Variants in TRDMT1 observed in about 807,000 individuals in gnomAD.
TRDMT1 encodes the protein tRNA aspartic acid methyltransferase 1, also known as tRNA (cytosine(38)-C(5))-methyltransferase.
TRDMT1 carries 49 observed loss-of-function variants against 51.2 expected under a neutral mutation model. The ratio of observed to expected loss-of-function variants is 0.96; its 90% CI spans 0.76 to 1.21. The LOEUF (loss-of-function observed/expected upper bound fraction) is 1.21. TRDMT1 is among the 50% of genes most tolerant of loss of function. The probability of loss-of-function intolerance (pLI) is 0.00; values close to 1 mark genes in which losing one functional copy is unlikely to be tolerated. For missense variants in TRDMT1, 534 were observed against 462.3 expected (o/e 1.16, Z -1.42); for synonymous variants, 187 against 164.6 (o/e 1.14, Z -1.04).
At chr10:17,195,478 T>TA (rs1186337302) in intron 1 of TRDMT1, among the ~76,000 whole-genome samples, 1 of 151,942 alleles carries the variant, frequency 6.6e-6, no homozygotes, top group Non-Finnish European at 1.5e-5. Flanking sequence ...CAGCAAAGGT[T>TA]AAAAAACTAA....
In TRDMT1 at chr10:17,143,942, T is replaced by A. The variant is rs1837889236; in HGVS notation, c.*5098A>T. 1.1e-5 allele frequency: 11 copies of A among 985,422 alleles called. No homozygotes were observed. Among genetic ancestry groups the A allele is most frequent in the Non-Finnish European group, 1.3e-5 (11 of 829,938 alleles). The allele number at this position is 985,422 out of a possible 1,614,324, so 61.0% of individuals were successfully genotyped here. A position where few individuals can be genotyped will look rare whatever the true frequency, so the allele number is the denominator to read the frequency against. ...TGATGCAAATCCGATACAACTTGAA[T>A]AGCAAGATATCCAAGTTAAAAATGT... On this transcript the variant is annotated 3_prime_UTR_variant, in exon 11 of 11. Coordinates refer to ENST00000377799, the MANE Select transcript of TRDMT1 (RefSeq NM_004412.7).
intron 1 of TRDMT1, among the ~76,000 whole-genome samples, chr10:17,177,450 C>A (rs927049602): frequency 2.6e-5 from 4 of 152,052 alleles, no homozygotes; most frequent in Non-Finnish European, 5.9e-5. Flanking sequence ...GATCTGCCTG[C>A]CTCAGCCTTC....
At chr10:17,171,400 C>G (rs1841989785) in intron 2 of TRDMT1, among the ~76,000 whole-genome samples, 1 of 152,156 alleles carries the variant, frequency 6.6e-6, no homozygotes, top group African/African-American at 2.4e-5. Context: ...CCAAGGATTC[C>G]CTCAACAGTG....
Position 17,145,693 on chromosome 10 carries a change from T to C in TRDMT1, c.*3347A>G. The C allele has an allele frequency of 1.0e-5, 10 of 985,424 alleles. No individual in the cohort carries two copies. The highest frequency in any genetic ancestry group is 1.2e-5 in the Non-Finnish European group (10 of 829,936). The allele number at this position is 985,424 out of a possible 1,614,324, so 61.0% of individuals were successfully genotyped here. ...CTATGTGGGATTAAAATTTGGTCCTTATTGTGTTATCTTGGCTTTTTTAGA... is the reference window on the plus strand; with the variant it reads ...CTATGTGGGATTAAAATTTGGTCCTCATTGTGTTATCTTGGCTTTTTTAGA... On this transcript the variant is annotated 3_prime_UTR_variant, in exon 11 of 11. Transcript: ENST00000377799.
At chr10:17,190,570 TA>T (rs1391742463) in intron 1 of TRDMT1, among the ~76,000 whole-genome samples, 1 of 152,202 alleles carries the variant, frequency 6.6e-6, no homozygotes, top group Non-Finnish European at 1.5e-5. Context: ...TAAAATGTTT[TA>T]AATAAAAAGA....
Position 17,161,419 on chromosome 10 carries a change from C to T in TRDMT1, c.389+64G>A, listed in dbSNP as rs561227436. The T allele has an allele frequency of 1.0e-5, 12 of 1,189,106 alleles. No homozygotes were observed. In the East Asian group the frequency reaches 2.5e-4, roughly 25 times the overall value. The allele number at this position is 1,189,106 out of a possible 1,614,324, so 73.7% of individuals were successfully genotyped here. A position where few individuals can be genotyped will look rare whatever the true frequency, so the allele number is the denominator to read the frequency against. On this transcript the variant is annotated intron_variant, in intron 5 of 10. Transcript: ENST00000377799. ...ACTGGTTTTTAAGATTTTTATTTCA[C>T]AACAGTTCCTACTATAAGATATACC...
chr10:17,154,517 C>G (rs1042537457), intron 9 of TRDMT1, among the ~76,000 whole-genome samples, 160 bp downstream of exon 9: 1 of 151,732 alleles, frequency 6.6e-6, no homozygotes, highest in Non-Finnish European at 1.5e-5. Flanking sequence ...AAGATTTATT[C>G]CACAGTAATA....
chr10:17,152,202 C>T (rs952900498), intron 10 of TRDMT1: 4 of 710,204 alleles, frequency 5.6e-6, no homozygotes, highest in Admixed American at 3.5e-5. Context: ...TGCTGTCACT[C>T]GTTTTGTGAC....
At chr10:17,155,488 C>G (rs577764041) in intron 8 of TRDMT1, among the ~76,000 whole-genome samples, 1 of 152,084 alleles carries the variant, frequency 6.6e-6, no homozygotes, top group Admixed American at 6.6e-5. Flanking sequence ...AGGAACCCAC[C>G]GCCCTGCTCT....
Position 17,146,826 on chromosome 10 carries a change from A to C in TRDMT1, c.*2214T>G, listed in dbSNP as rs929765094. The C allele has an allele frequency of 3.0e-6, 3 of 985,318 alleles. No homozygotes were observed. In the African/African-American group the frequency reaches 5.2e-5, roughly 17 times the overall value. 61.0% of individuals were successfully genotyped at this position (985,318 alleles called of 1,614,324 possible). A position where few individuals can be genotyped will look rare whatever the true frequency, so the allele number is the denominator to read the frequency against. ...GACATTCCATAAAATAACATTTTCC[A>C]AATTAATTATGCATACATATACATC... On this transcript the variant is annotated 3_prime_UTR_variant, in exon 11 of 11. Transcript: ENST00000377799.
At chr10:17,159,941 T>G (rs957478091) in intron 6 of TRDMT1, among the ~76,000 whole-genome samples, 5 of 152,150 alleles carry the variant, frequency 3.3e-5, no homozygotes, top group African/African-American at 1.2e-4. Flanking sequence ...TTACTACATG[T>G]TTATATTGTT....
In TRDMT1 at chr10:17,150,691, G is replaced by A. The variant is rs980962200; in HGVS notation, c.1076-1551C>T. The A allele has an allele frequency of 2.4e-5, 24 of 984,618 alleles. No individual in the cohort carries two copies. The African/African-American group carries it at 2.8e-4, about 11-fold the overall frequency. The allele number at this position is 984,618 out of a possible 1,614,324, so 61.0% of individuals were successfully genotyped here. ...AAAATTTCATATACTCATGAGGACAGGAAGGTAGAATTAGTTACAATAAAG... is the reference window on the plus strand; with the variant it reads ...AAAATTTCATATACTCATGAGGACAAGAAGGTAGAATTAGTTACAATAAAG... On this transcript the variant is annotated intron_variant, in intron 10 of 10. Transcript: ENST00000377799.
In TRDMT1 at chr10:17,169,323, T is replaced by C. The variant is rs1841649637; in HGVS notation, c.175-406A>G. The C allele has an allele frequency of 2.5e-6, 3 of 1,188,660 alleles. No homozygotes were observed. In the African/African-American group the frequency reaches 4.8e-5, roughly 19 times the overall value. The allele number at this position is 1,188,660 out of a possible 1,614,324, so 73.6% of individuals were successfully genotyped here. On this transcript the variant is annotated intron_variant, in intron 2 of 10. Coordinates refer to ENST00000377799, the MANE Select transcript of TRDMT1 (RefSeq NM_004412.7). ...TTAAATACCTACCTGTCAATAATGTTCTTTATTTAGCAAATGTGATATGCA... is the reference window on the plus strand; with the variant it reads ...TTAAATACCTACCTGTCAATAATGTCCTTTATTTAGCAAATGTGATATGCA...
chr10:17,195,927 TATGTATAACTGAAAAAA>T (rs1845352845), intron 1 of TRDMT1, among the ~76,000 whole-genome samples: 1 of 151,974 alleles, frequency 6.6e-6, no homozygotes, highest in Admixed American at 6.6e-5. Flanking sequence ...CAAAGACAGG[TATGTATAACTGAAAAAA>T]AAATTAAGCG....
At chr10:17,182,310 AC>A (rs997263913) in intron 1 of TRDMT1, among the ~76,000 whole-genome samples, 46 of 152,292 alleles carry the variant, frequency 3.0e-4, no homozygotes, top group Admixed American at 1.2e-3. Flanking sequence ...TTCAAACTCT[AC>A]CCCTAACTGG....
intron 3 of TRDMT1, among the ~76,000 whole-genome samples, chr10:17,168,520 C>T (rs1028521352): frequency 4.6e-5 from 7 of 152,080 alleles, no homozygotes; most frequent in Middle Eastern, 3.2e-3. Flanking sequence ...TGAATTTCCA[C>T]GTGTTGTGGG....
intron 1 of TRDMT1, among the ~76,000 whole-genome samples, chr10:17,191,043 G>A (rs1588672148): frequency 6.6e-6 from 1 of 152,306 alleles, no homozygotes; most frequent in Non-Finnish European, 1.5e-5. Context: ...CAGATATCAG[G>A]GAGAAGCACT....
chr10:17,198,436 T>A (rs1845732751), intron 1 of TRDMT1, among the ~76,000 whole-genome samples: 1 of 152,224 alleles, frequency 6.6e-6, no homozygotes, highest in African/African-American at 2.4e-5. Flanking sequence ...TACACAAAAT[T>A]GTACAGCTAT....
At chr10:17,186,370 C>T (rs1843928505) in intron 1 of TRDMT1, among the ~76,000 whole-genome samples, 1 of 152,016 alleles carries the variant, frequency 6.6e-6, no homozygotes, top group South Asian at 2.1e-4. Context: ...CCAGTATAAT[C>T]ACAGGAAGGA....
Sources: gnomAD v4.1 joint callset for allele counts (sites outside exome capture counted in the v4.1 genomes callset) on GRCh38, gnomAD v4.1.1 for gene constraint, MANE v1.5 for transcripts, NCBI Gene and HGNC (gene_info 2026-07-23, HGNC 2026-07-21) for gene names.